Variants in CA10 observed in about 807,000 individuals in gnomAD.
CA10 encodes the protein carbonic anhydrase-related protein 10.
A neutral mutation model predicts 44.2 loss-of-function variants in CA10; 14 were observed. That is an observed-to-expected ratio of 0.32 (90% CI 0.21 to 0.50). CA10 has a LOEUF of 0.50. Among genes scored for constraint, CA10 ranks in the 20% least tolerant of loss-of-function variants. CA10 has a pLI of 0.99. For synonymous variants in CA10, 159 were observed against 141.6 expected, an observed-to-expected ratio of 1.12 and a Z score of -0.87; for missense variants, 350 against 409.7, an observed-to-expected ratio of 0.85 and a Z score of 1.26.
chr17:51,750,563 A>T (rs1396202868), intron 3 of CA10, among the ~76,000 whole-genome samples: 1 of 152,232 alleles, frequency 6.6e-6, no homozygotes, highest in Non-Finnish European at 1.5e-5. Flanking sequence ...CTTTTCACGA[A>T]TCCAGAGATA....
intron 2 of CA10, among the ~76,000 whole-genome samples, chr17:52,002,838 G>A (rs1985472553): frequency 6.6e-6 from 1 of 151,836 alleles, no homozygotes; most frequent in South Asian, 2.1e-4. Context: ...TGTTATTGTT[G>A]TCTTTTAACA....
chr17:51,993,769 T>C (rs1415693938), intron 2 of CA10, among the ~76,000 whole-genome samples: 1 of 152,074 alleles, frequency 6.6e-6, no homozygotes, highest in Non-Finnish European at 1.5e-5. Context: ...CAGAAGTCTC[T>C]CCCAGTGGAA....
At chr17:51,884,965 T>C (rs1210093646) in intron 3 of CA10, among the ~76,000 whole-genome samples, 1 of 152,184 alleles carries the variant, frequency 6.6e-6, no homozygotes, top group Non-Finnish European at 1.5e-5. Context: ...AGGATATCAG[T>C]CATTGAAATT....
chr17:52,012,439 A>G (rs1985829369), intron 2 of CA10, among the ~76,000 whole-genome samples: 1 of 152,028 alleles, frequency 6.6e-6, no homozygotes, highest in African/African-American at 2.4e-5. Context: ...ATTATTTGAA[A>G]TGGTAGAAGC....
At chr17:51,766,764 G>C (rs927229689) in intron 3 of CA10, among the ~76,000 whole-genome samples, 1 of 152,192 alleles carries the variant, frequency 6.6e-6, no homozygotes, top group East Asian at 1.9e-4. Context: ...TAAGGTTGCT[G>C]TTAACTCAAG....
At chr17:52,032,044 C>G (rs1400263433) in intron 2 of CA10, among the ~76,000 whole-genome samples, 1 of 152,168 alleles carries the variant, frequency 6.6e-6, no homozygotes, top group Non-Finnish European at 1.5e-5. Flanking sequence ...GTTAAAAGCA[C>G]CGGCTTTTCT....
At chr17:52,060,307 G>A (rs771638766) in intron 2 of CA10, among the ~76,000 whole-genome samples, 1 of 152,014 alleles carries the variant, frequency 6.6e-6, no homozygotes, top group Non-Finnish European at 1.5e-5. Context: ...TCACAGCCCA[G>A]AGGAGACGAA....
intron 1 of CA10, among the ~76,000 whole-genome samples, chr17:52,080,960 G>A (rs967648021): frequency 1.3e-5 from 2 of 152,124 alleles, no homozygotes; most frequent in African/African-American, 4.8e-5. Context: ...TCTAAGCATT[G>A]AGGGTACAAA....
rs181370155 is a variant in CA10, at chr17:51,647,338, T to C, written c.634+1844A>G. ...AGCTGATGAAGACAGAGTTCCTCCC[T>C]CTGAACTCTTCACCGGCCTTCAGTG... is the stretch of plus-strand genomic sequence containing the variant. On this transcript the variant is annotated intron_variant, in intron 6 of 8. Coordinates refer to ENST00000451037, the MANE Select transcript of CA10 (RefSeq NM_020178.5). Among the ~76,000 whole-genome samples, 518 of 152,316 alleles carry C rather than the reference T, an allele frequency of 3.4e-3. 3 individuals carry two copies. The highest frequency in any genetic ancestry group is 0.012 in the African/African-American group (486 of 41,570).
chr17:51,866,070 C>T (rs1227642869), intron 3 of CA10, among the ~76,000 whole-genome samples: 1 of 152,206 alleles, frequency 6.6e-6, no homozygotes, highest in Non-Finnish European at 1.5e-5. Context: ...AAATAAATGG[C>T]TATTGCCAAA....
chr17:51,766,791 T>C (rs1905402269), intron 3 of CA10, among the ~76,000 whole-genome samples: 2 of 152,170 alleles, frequency 1.3e-5, no homozygotes, highest in South Asian at 2.1e-4. Flanking sequence ...GGGAAAATAA[T>C]TGTGAAAAGA....
chr17:51,756,815 G>A (rs1463060103), intron 3 of CA10, among the ~76,000 whole-genome samples: 3 of 152,046 alleles, frequency 2.0e-5, no homozygotes, highest in Non-Finnish European at 1.5e-5. Flanking sequence ...TGGGGTTAGG[G>A]ATCAATTCTT....
At chr17:51,692,606 C>T (rs564570441) in intron 4 of CA10, among the ~76,000 whole-genome samples, 11 of 152,248 alleles carry the variant, frequency 7.2e-5, no homozygotes, top group Non-Finnish European at 1.6e-4. Flanking sequence ...AGTGAACATC[C>T]TTGTCTTGTT....
intron 1 of CA10, among the ~76,000 whole-genome samples, chr17:52,105,379 C>T (rs1017083074): frequency 4.6e-5 from 7 of 152,150 alleles, no homozygotes; most frequent in Admixed American, 1.3e-4. Context: ...CTCAGCTTCC[C>T]GAATAGCTGG....
chr17:51,981,066 T>C (rs1658676998), intron 2 of CA10, among the ~76,000 whole-genome samples: 1 of 152,124 alleles, frequency 6.6e-6, no homozygotes, highest in African/African-American at 2.4e-5. Context: ...TACCCATACA[T>C]TGCTGTTGCA....
intron 1 of CA10, 86 bp from the exon 2 acceptor site, chr17:52,072,479 A>G (rs1987704892): frequency 5.3e-6 from 5 of 938,394 alleles, no homozygotes; most frequent in East Asian, 2.4e-5. Context: ...GTGAATATCC[A>G]TAAAATAACC....
At chr17:51,778,592 G>A (rs904550342) in intron 3 of CA10, among the ~76,000 whole-genome samples, 2 of 152,186 alleles carry the variant, frequency 1.3e-5, no homozygotes, top group South Asian at 2.1e-4. Context: ...TAATAGTCCT[G>A]ATGGCTGTAA....
At chr17:51,925,532 T>C (rs923791403) in intron 3 of CA10, among the ~76,000 whole-genome samples, 11 of 152,082 alleles carry the variant, frequency 7.2e-5, no homozygotes, top group Admixed American at 2.0e-4. Context: ...TAAAAAAGTG[T>C]GACAAACCTC....
intron 2 of CA10, among the ~76,000 whole-genome samples, chr17:51,989,967 A>T (rs779855603): frequency 1.3e-5 from 2 of 152,138 alleles, no homozygotes; most frequent in Non-Finnish European, 2.9e-5. Context: ...GCACTAATAG[A>T]TTATGTAACT....
Sources: gnomAD v4.1 joint callset for allele counts (sites outside exome capture counted in the v4.1 genomes callset) on GRCh38, gnomAD v4.1.1 for gene constraint, MANE v1.5 for transcripts, NCBI Gene and HGNC (gene_info 2026-07-23, HGNC 2026-07-21) for gene names.